Variants in MAML3 observed in about 807,000 individuals in gnomAD.
MAML3 encodes the protein mastermind-like protein 3.
Under a neutral mutation model 101.9 loss-of-function variants are expected in MAML3, and 27 were observed. The ratio of observed to expected loss-of-function variants is 0.27; its 90% confidence interval spans 0.20 to 0.37. The LOEUF is 0.37. MAML3 is among the 10% of genes least tolerant of loss of function. The pLI is 1.00. For synonymous variants in MAML3, 501 were observed against 555.9 expected, an observed-to-expected ratio of 0.90 and a Z score of 1.39; for missense variants, 1,316 against 1,444.9, an observed-to-expected ratio of 0.91 and a Z score of 1.45.
intron 1 of MAML3, among the ~76,000 whole-genome samples, chr4:140,039,379 T>TCCCACAG (rs1374721656): frequency 1.3e-5 from 2 of 151,968 alleles, no homozygotes; most frequent in Non-Finnish European, 2.9e-5. Flanking sequence ...GCCCACTAAC[T>TCCCACAG]CCCACAGCCC....
chr4:140,064,324 A>C (rs779311089), intron 1 of MAML3, among the ~76,000 whole-genome samples: 4 of 152,222 alleles, frequency 2.6e-5, no homozygotes, highest in Non-Finnish European at 4.4e-5. Flanking sequence ...TTCATAAGCA[A>C]GGTATCTTAG....
chr4:139,743,082 T>C (rs1729215409), intron 2 of MAML3, among the ~76,000 whole-genome samples: 1 of 152,220 alleles, frequency 6.6e-6, no homozygotes, highest in African/African-American at 2.4e-5. Flanking sequence ...CTCTAGCTAG[T>C]TGACTTCATA....
intron 2 of MAML3, among the ~76,000 whole-genome samples, chr4:139,822,199 CAGG>C (rs1367456389): frequency 1.3e-5 from 2 of 151,648 alleles, no homozygotes; most frequent in African/African-American, 4.9e-5. Flanking sequence ...TTATCATCAT[CAGG>C]ATCATCATTA....
intron 1 of MAML3, among the ~76,000 whole-genome samples, chr4:140,068,826 C>A (rs1162263242): frequency 6.6e-6 from 1 of 152,104 alleles, no homozygotes; most frequent in Non-Finnish European, 1.5e-5. Flanking sequence ...GAGTCTTAGG[C>A]CACTCTCTAG....
In MAML3 at chr4:139,890,216, G is replaced by T; in HGVS notation, c.1220C>A (p.Ala407Glu). ...VASTPAAPNP[A>E]SSPANCAVQS... is the part of the protein sequence containing the mutation. ...GACAGCACAGTTTGCTGGTGAGCTTGCAGGGTTTGGAGCTGCGGGAGTGCT... is the reference window on the plus strand; with the variant it reads ...GACAGCACAGTTTGCTGGTGAGCTTTCAGGGTTTGGAGCTGCGGGAGTGCT... Residue 407 changes from alanine to glutamate, a missense_variant, in exon 2 of 5, where the codon GCA (alanine) becomes GAA (glutamate). Coordinates refer to ENST00000509479, the MANE Select transcript of MAML3 (RefSeq NM_018717.5). This position sits in a 1 kb window ranked among gnomAD's most constrained non-coding sequence, Gnocchi z 4.1. The T allele has an allele frequency of 6.2e-7, 1 of 1,613,462 alleles. No homozygotes were observed. The highest frequency in any genetic ancestry group is 1.1e-5 in the South Asian group (1 of 91,086).
chr4:140,009,119 T>C (rs186179112), intron 1 of MAML3, among the ~76,000 whole-genome samples: 123 of 152,322 alleles, frequency 8.1e-4, no homozygotes, highest in African/African-American at 2.7e-3. Context: ...TGCACTACTG[T>C]ACACATGCTC....
At chr4:139,941,263 T>G (rs955137174) in intron 1 of MAML3, among the ~76,000 whole-genome samples, 1 of 152,242 alleles carries the variant, frequency 6.6e-6, no homozygotes, top group South Asian at 2.1e-4. Context: ...GTGGAAGACT[T>G]TCTAGCCTTA....
intron 2 of MAML3, among the ~76,000 whole-genome samples, chr4:139,880,407 C>G (rs1441772156): frequency 6.6e-6 from 1 of 151,994 alleles, no homozygotes; most frequent in East Asian, 1.9e-4. Context: ...CTGGTTTCCC[C>G]TCAGCAGGGA....
At chr4:139,969,984 C>T (rs546078550) in intron 1 of MAML3, among the ~76,000 whole-genome samples, 1 of 152,236 alleles carries the variant, frequency 6.6e-6, no homozygotes, top group Admixed American at 6.5e-5. Context: ...AACATCTGAC[C>T]TTGGGCAATA....
intron 1 of MAML3, among the ~76,000 whole-genome samples, chr4:139,934,280 TA>T (rs1733463628): frequency 6.6e-6 from 1 of 151,796 alleles, no homozygotes; most frequent in Admixed American, 6.6e-5. Flanking sequence ...TGTGTGGGAC[TA>T]TGGGTGTGTG....
intron 1 of MAML3, among the ~76,000 whole-genome samples, chr4:140,121,628 C>A (rs1297625098): frequency 6.6e-6 from 1 of 152,192 alleles, no homozygotes; most frequent in African/African-American, 2.4e-5. Flanking sequence ...TGTTAACTGG[C>A]TTTAATCCCT....
chr4:140,037,201 G>C (rs1211156062), intron 1 of MAML3, among the ~76,000 whole-genome samples: 1 of 147,640 alleles, frequency 6.8e-6, no homozygotes, highest in African/African-American at 2.5e-5. Flanking sequence ...TCAAGACTGT[G>C]TATAGGGAAG....
At chr4:140,004,028 G>A (rs1038038049) in intron 1 of MAML3, among the ~76,000 whole-genome samples, 4 of 152,226 alleles carry the variant, frequency 2.6e-5, no homozygotes, top group Admixed American at 6.5e-5. Flanking sequence ...GAAAAGGAGA[G>A]AGACTGCACA....
intron 2 of MAML3, among the ~76,000 whole-genome samples, chr4:139,887,801 T>C (rs1009560021): frequency 5.3e-5 from 8 of 152,228 alleles, no homozygotes; most frequent in African/African-American, 1.9e-4. Flanking sequence ...TCATAAACCT[T>C]CTGACACGCC....
At chr4:139,884,166 G>A (rs1223576985) in intron 2 of MAML3, among the ~76,000 whole-genome samples, 1 of 152,100 alleles carries the variant, frequency 6.6e-6, no homozygotes, top group Non-Finnish European at 1.5e-5. Flanking sequence ...TTACAGGCGT[G>A]AGCCACGGCG....
chr4:139,838,313 G>C (rs959684286), intron 2 of MAML3, among the ~76,000 whole-genome samples: 7 of 152,114 alleles, frequency 4.6e-5, no homozygotes, highest in African/African-American at 4.8e-5. Context: ...GCTTTATTTT[G>C]GGGTTTATTT....
chr4:139,719,467 G>A lies in MAML3; in HGVS notation c.3273C>T (p.Asp1091=), dbSNP rs377696242. Residue 1091 remains aspartate, a synonymous_variant, in exon 5 of 5, where the codon GAC becomes GAT. Transcript: ENST00000509479. ...SQAYERNAPQ[D]VSYNYSGDGA... ...CGTCGCCACTGTAATTGTATGACAC[G>A]TCCTGAGGGGCATTCCGCTCATAGG... is the stretch of plus-strand genomic sequence containing the variant. 3 of 1,614,018 alleles carry A rather than the reference G, an allele frequency of 1.9e-6. No homozygotes were observed. The highest frequency in any genetic ancestry group is 1.7e-5 in the Admixed American group (1 of 60,028).
chr4:139,879,638 C>CG (rs1050375889), intron 2 of MAML3, among the ~76,000 whole-genome samples: 10 of 3,028 alleles, frequency 3.3e-3, no homozygotes, highest in Admixed American at 0.016. Flanking sequence ...GAGATGTGGG[C>CG]GGGGGGGTGG....
rs1304444644 is a variant in MAML3 at position 139,730,621 on chromosome 4, G to A, written c.2126C>T (p.Ser709Phe). ...GCCACCTGAGCCTGGGGGCACGGAG[G>A]ACTGCATGGGGCCTGTGGTTCGGGG... ...GLPRTTGPMQ[S>F]SVPPGSGGMV... The change falls in exon 3 of 5, where the codon TCC becomes TTC. Residue 709 changes from serine (S) to phenylalanine (F), a missense_variant. Ser to Phe is a radical substitution (Grantham distance 155). Coordinates refer to ENST00000509479, the MANE Select transcript of MAML3 (RefSeq NM_018717.5). 2 of 1,613,082 alleles carry A rather than the reference G, an allele frequency of 1.2e-6. No homozygotes were observed. The highest frequency in any genetic ancestry group is 4.5e-5 in the East Asian group (2 of 44,884).
Sources: gnomAD v4.1 joint callset for allele counts (sites outside exome capture counted in the v4.1 genomes callset) on GRCh38, gnomAD v4.1.1 for gene constraint, Gnocchi (gnomAD v3.1) non-coding constraint, MANE v1.5 for transcripts, NCBI Gene and HGNC (gene_info 2026-07-23, HGNC 2026-07-21) for gene names.